ANK3: variants seen among roughly 807,000 people sequenced by gnomAD.
ANK3 encodes the protein ankyrin-3.
In ANK3, 57 loss-of-function variants were observed where a neutral mutation model predicts 370.9. The ratio of observed to expected loss-of-function variants is 0.15; its 90% CI spans 0.12 to 0.19. The LOEUF (loss-of-function observed/expected upper bound fraction) is 0.19. Among genes scored for constraint, ANK3 ranks in the 10% least tolerant of loss-of-function variants. The pLI is 1.00. For synonymous variants in ANK3, 1,929 were observed against 1,946.3 expected (o/e 0.99, Z 0.23); for missense variants, 4,439 against 5,302.1 (o/e 0.84, Z 5.06).
At chr10:60,477,128 T>A (rs1296438795) in intron 2 of ANK3, among the ~76,000 whole-genome samples, 2 of 152,112 alleles carry the variant, frequency 1.3e-5, no homozygotes, top group African/African-American at 4.8e-5. Context: ...CTTATTTTAA[T>A]TTCAAGAAGT....
At chr10:60,606,033 C>T (rs979648136) in intron 2 of ANK3, among the ~76,000 whole-genome samples, 1 of 151,956 alleles carries the variant, frequency 6.6e-6, no homozygotes, top group South Asian at 2.1e-4. Flanking sequence ...TAAAGAAGTT[C>T]TTGGAAAAAA....
chr10:60,348,920 T>C (rs1215485070), intron 1 of ANK3, among the ~76,000 whole-genome samples: 1 of 152,154 alleles, frequency 6.6e-6, no homozygotes, highest in Non-Finnish European at 1.5e-5. Context: ...TCTTAGACTA[T>C]AACATCAAAA....
chr10:60,361,096 C>G (rs1046414595), intron 1 of ANK3, among the ~76,000 whole-genome samples: 1 of 152,160 alleles, frequency 6.6e-6, no homozygotes, highest in African/African-American at 2.4e-5. Flanking sequence ...ATGAGAGATA[C>G]TGGACATATT....
chr10:60,311,946 C>A (rs753925162), intron 1 of ANK3, among the ~76,000 whole-genome samples: 1 of 152,142 alleles, frequency 6.6e-6, no homozygotes, highest in Non-Finnish European at 1.5e-5. Flanking sequence ...TCCTACTTGC[C>A]TCCAGCCCTG....
chr10:60,690,288 C>G (rs1459904571), intron 1 of ANK3, among the ~76,000 whole-genome samples: 1 of 152,148 alleles, frequency 6.6e-6, no homozygotes, highest in Non-Finnish European at 1.5e-5. Context: ...GGCATCACCT[C>G]ACCCGGGAAG....
At chr10:60,123,546 T>C (rs2093610080) in intron 25 of ANK3, among the ~76,000 whole-genome samples, 1 of 152,152 alleles carries the variant, frequency 6.6e-6, no homozygotes. Context: ...ACTCCAATAT[T>C]AGTAATTCTC....
At chr10:60,586,816 T>C (rs978825526) in intron 2 of ANK3, among the ~76,000 whole-genome samples, 1 of 152,216 alleles carries the variant, frequency 6.6e-6, no homozygotes, top group Non-Finnish European at 1.5e-5. Context: ...AACGTAGGTA[T>C]CTGTCCACTT....
chr10:60,648,599 G>T (rs2078744057), intron 1 of ANK3, among the ~76,000 whole-genome samples: 1 of 149,820 alleles, frequency 6.7e-6, no homozygotes, highest in Non-Finnish European at 1.5e-5. Flanking sequence ...TGAAATCCTT[G>T]TCTCTACAAA....
intron 11 of ANK3, 67 bp downstream of exon 11, chr10:60,205,724 TG>T: frequency 8.5e-7 from 1 of 1,170,762 alleles, no homozygotes; most frequent in Non-Finnish European, 1.3e-6. Context: ...GAGATGGCCC[TG>T]GGGCTCTGGC....
rs138197434 is a variant in ANK3 at position 60,666,733 on chromosome 10, T to C, written c.58-51509A>G. ...CTTCAAGATTATCTCTATAAGTCTATCATTCTCATTCACTGAATTCCAGTG... is the reference window on the plus strand; with the variant it reads ...CTTCAAGATTATCTCTATAAGTCTACCATTCTCATTCACTGAATTCCAGTG... On this transcript the variant is annotated intron_variant, in intron 1 of 43. Coordinates refer to the ANK3 transcript ENST00000373827. Among the ~76,000 whole-genome samples, 395 of 152,302 alleles carry C rather than the reference T, an allele frequency of 2.6e-3. 1 individual carries two copies. Among genetic ancestry groups the C allele is most frequent in the African/African-American group, 9.0e-3 (376 of 41,562 alleles).
intron 1 of ANK3, among the ~76,000 whole-genome samples, chr10:60,696,338 T>C (rs1231498116): frequency 6.7e-6 from 1 of 149,108 alleles, no homozygotes; most frequent in Non-Finnish European, 1.5e-5. Flanking sequence ...GAGGAGCTGG[T>C]ACCATTCCTT....
At chr10:60,568,162 G>C (rs2077507466) in intron 2 of ANK3, among the ~76,000 whole-genome samples, 1 of 152,168 alleles carries the variant, frequency 6.6e-6, no homozygotes. Flanking sequence ...AAGTTCTACT[G>C]TGAGTAATGT....
intron 43 of ANK3, among the ~76,000 whole-genome samples, chr10:60,041,216 C>A (rs921632009): frequency 6.6e-6 from 1 of 152,186 alleles, no homozygotes; most frequent in Non-Finnish European, 1.5e-5. Flanking sequence ...GCGAGTGATG[C>A]AGAACATATA....
At chr10:60,422,489 C>T (rs1246602233) in intron 2 of ANK3, among the ~76,000 whole-genome samples, 2 of 152,012 alleles carry the variant, frequency 1.3e-5, no homozygotes, top group African/African-American at 4.8e-5. Flanking sequence ...AAAATCTATG[C>T]TTCTAGGGAC....
chr10:60,263,726 A>C lies in ANK3; in HGVS notation c.699+109T>G, dbSNP rs559710507. On this transcript the variant is annotated intron_variant, in intron 6 of 43. Transcript: ENST00000280772. ...ACACACATTGTTCCTCCCTTCAATGAAGTTAAAGGCATGGCATAAGCTTGC... is the reference window on the plus strand; with the variant it reads ...ACACACATTGTTCCTCCCTTCAATGCAGTTAAAGGCATGGCATAAGCTTGC... The C allele has an allele frequency of 4.5e-4, 548 of 1,224,566 alleles. 1 individual carries two copies. The highest frequency in any genetic ancestry group is 8.3e-4 in the Admixed American group (40 of 48,128). The allele number at this position is 1,224,566 out of a possible 1,614,324, so 75.9% of individuals were successfully genotyped here.
intron 23 of ANK3, chr10:60,140,528 C>T (rs1402371638): frequency 1.4e-6 from 2 of 1,461,842 alleles, no homozygotes; most frequent in Admixed American, 2.6e-5. Flanking sequence ...TTGATATCCT[C>T]GTAGGCAATT....
intron 7 of ANK3, among the ~76,000 whole-genome samples, chr10:60,247,550 T>C (rs2097575525): frequency 6.6e-6 from 1 of 152,186 alleles, no homozygotes; most frequent in Middle Eastern, 3.2e-3. Flanking sequence ...ACAACCACCA[T>C]CCTACTTTTG....
At chr10:60,248,740 G>C (rs567989907) in intron 7 of ANK3, among the ~76,000 whole-genome samples, 193 of 152,260 alleles carry the variant, frequency 1.3e-3, no homozygotes, top group African/African-American at 4.3e-3. Context: ...AGCTGGAATG[G>C]GTTACAGGTA....
At chr10:60,467,838 A>C (rs1376332364) in intron 2 of ANK3, among the ~76,000 whole-genome samples, 4 of 152,172 alleles carry the variant, frequency 2.6e-5, no homozygotes, top group Non-Finnish European at 4.4e-5. Context: ...ACTGTTTATG[A>C]ATACATAAGT....
Sources: allele counts gnomAD v4.1 joint callset (sites outside exome capture counted in the v4.1 genomes callset), GRCh38; gene constraint gnomAD v4.1.1; transcripts MANE v1.5; gene names NCBI Gene and HGNC (gene_info 2026-07-23, HGNC 2026-07-21).